The following VOPP1 variants were observed in gnomAD, a reference collection of about 807,000 sequenced individuals.
VOPP1 encodes the protein VOPP1 WW domain binding protein.
Under a neutral mutation model 23.5 loss-of-function variants are expected in VOPP1, and 8 were observed. That is an observed-to-expected ratio of 0.34 (90% CI 0.20 to 0.61). VOPP1 has a LOEUF of 0.61. Ranked by LOEUF, VOPP1 falls within the 20% of genes least tolerant of loss-of-function variation. VOPP1 has a pLI of 0.78. For synonymous variants in VOPP1, 83 were observed against 97.3 expected (o/e 0.85, Z 0.86); for missense variants, 174 against 238.1 (o/e 0.73, Z 1.77).
intron 2 of VOPP1, among the ~76,000 whole-genome samples, chr7:55,503,297 C>T (rs1044224120): frequency 6.6e-6 from 1 of 152,160 alleles, no homozygotes; most frequent in Non-Finnish European, 1.5e-5. Context: ...GAGCAACAAA[C>T]AAATGCAAAC....
At chr7:55,445,743 A>G (rs1477039973) in intron 4 of VOPP1, among the ~76,000 whole-genome samples, 3 of 152,070 alleles carry the variant, frequency 2.0e-5, no homozygotes, top group Non-Finnish European at 4.4e-5. Flanking sequence ...AGTTAGGTCT[A>G]CCCTTTAGAG....
chr7:55,498,817 T>C (rs1387980466), intron 2 of VOPP1, among the ~76,000 whole-genome samples: 1 of 152,174 alleles, frequency 6.6e-6, no homozygotes, highest in South Asian at 2.1e-4. Context: ...CAAAGTGAGA[T>C]AACAGCGGCC....
At chr7:55,509,847 T>C (rs751283364) in intron 2 of VOPP1, among the ~76,000 whole-genome samples, 1 of 152,226 alleles carries the variant, frequency 6.6e-6, no homozygotes, top group African/African-American at 2.4e-5. Flanking sequence ...TCTGATTTAT[T>C]TGACTCCCTT....
intron 1 of VOPP1, among the ~76,000 whole-genome samples, chr7:55,545,910 A>G (rs561133046): frequency 6.6e-6 from 1 of 152,088 alleles, no homozygotes; most frequent in South Asian, 2.1e-4. Flanking sequence ...CTCTACAAAA[A>G]AAAATACAAA....
chr7:55,435,082 C>T (rs894087304), downstream of VOPP1, among the ~76,000 whole-genome samples: 3 of 152,224 alleles, frequency 2.0e-5, no homozygotes, highest in African/African-American at 7.2e-5. Context: ...GGCTCTGCGC[C>T]GCGACTTCTA....
intron 1 of VOPP1, among the ~76,000 whole-genome samples, chr7:55,556,644 C>CA (rs970495803): frequency 2.6e-5 from 4 of 151,262 alleles, no homozygotes; most frequent in East Asian, 1.9e-4. Context: ...GAACCCCCCC[C>CA]CAAAACACTT....
At chr7:55,459,947 G>T (rs1791456704) in intron 4 of VOPP1, among the ~76,000 whole-genome samples, 1 of 151,946 alleles carries the variant, frequency 6.6e-6, no homozygotes, top group African/African-American at 2.4e-5. Context: ...TCCTTGAGGT[G>T]TATCACTAGG....
chr7:55,468,280 A>G (rs940134326), downstream of VOPP1, among the ~76,000 whole-genome samples: 4 of 150,674 alleles, frequency 2.7e-5, no homozygotes, highest in Admixed American at 2.0e-4. Flanking sequence ...AGAAAAAAAA[A>G]AAAAAAAAGA....
chr7:55,543,158 G>A lies in VOPP1; in HGVS notation c.55-22028C>T, dbSNP rs373739193. The stretch of plus-strand genomic sequence containing the variant: ...TCTCGATCTCCTGACCTCATGATCC[G>A]CCCATCTCAGCCTCCCAAAGTGCTG... On this transcript the variant is annotated intron_variant, in intron 1 of 4. Coordinates refer to ENST00000285279, the MANE Select transcript of VOPP1 (RefSeq NM_030796.5). Among the ~76,000 whole-genome samples, 9 of 152,074 alleles carry A rather than the reference G, an allele frequency of 5.9e-5. No individual in the cohort carries two copies. The East Asian group carries it at 1.2e-3, about 20-fold the overall frequency.
chr7:55,568,365 G>A (rs1285876674), intron 1 of VOPP1, among the ~76,000 whole-genome samples: 1 of 152,162 alleles, frequency 6.6e-6, no homozygotes, highest in East Asian at 1.9e-4. Context: ...ATGAGCCACC[G>A]CACCCAGCCT....
intron 2 of VOPP1, among the ~76,000 whole-genome samples, chr7:55,503,947 A>G (rs1020804521): frequency 6.6e-6 from 1 of 152,240 alleles, no homozygotes; most frequent in Admixed American, 6.5e-5. Flanking sequence ...TTGTATTTAA[A>G]AGGATTTATA....
At chr7:55,562,121 T>C (rs1798011379) in intron 1 of VOPP1, 10 of 700,782 alleles carry the variant, frequency 1.4e-5, no homozygotes, top group Non-Finnish European at 2.6e-5. Flanking sequence ...CTCATTCTAA[T>C]GTACAGCCAA....
chr7:55,534,196 A>G (rs1796651781), intron 1 of VOPP1, among the ~76,000 whole-genome samples: 1 of 151,380 alleles, frequency 6.6e-6, no homozygotes, highest in African/African-American at 2.4e-5. Flanking sequence ...AGCAAGTGCA[A>G]GCAGATGACA....
At chr7:55,548,460 T>C (rs180901026) in intron 1 of VOPP1, among the ~76,000 whole-genome samples, 60 of 152,326 alleles carry the variant, frequency 3.9e-4, no homozygotes, top group African/African-American at 1.4e-3. Flanking sequence ...ACCTTCCTGT[T>C]TTCTCACATT....
chr7:55,507,927 G>A (rs926636732), intron 2 of VOPP1, among the ~76,000 whole-genome samples: 1 of 152,180 alleles, frequency 6.6e-6, no homozygotes, highest in Non-Finnish European at 1.5e-5. Context: ...TGGGAAGATG[G>A]CTGCCCTGTC....
chr7:55,544,412 G>C (rs1270129456), intron 1 of VOPP1, among the ~76,000 whole-genome samples: 1 of 152,210 alleles, frequency 6.6e-6, no homozygotes, highest in Non-Finnish European at 1.5e-5. Context: ...CCCACACTTA[G>C]CTCCAGGCTC....
At chr7:55,548,716 T>C (rs1325847687) in intron 1 of VOPP1, among the ~76,000 whole-genome samples, 1 of 152,242 alleles carries the variant, frequency 6.6e-6, no homozygotes, top group Non-Finnish European at 1.5e-5. Flanking sequence ...AGCCTTGTGC[T>C]TGGGTTTACC....
chr7:55,461,698 G>A (rs962542607), intron 4 of VOPP1, among the ~76,000 whole-genome samples: 1 of 152,208 alleles, frequency 6.6e-6, no homozygotes, highest in Non-Finnish European at 1.5e-5. Flanking sequence ...TTACAGACGT[G>A]AGCCACTGCG....
At chr7:55,483,744 C>T (rs372099119) in intron 4 of VOPP1, among the ~76,000 whole-genome samples, 48 of 152,218 alleles carry the variant, frequency 3.2e-4, no homozygotes, top group African/African-American at 9.7e-4. Flanking sequence ...GATTTTAACA[C>T]AACATGTTGG....
Sources: allele counts gnomAD v4.1 joint callset (sites outside exome capture counted in the v4.1 genomes callset), GRCh38; gene constraint gnomAD v4.1.1; transcripts MANE v1.5; gene names NCBI Gene and HGNC (gene_info 2026-07-23, HGNC 2026-07-21).